TENM2: variants seen among roughly 807,000 people sequenced by gnomAD.
The protein encoded by TENM2 is teneurin transmembrane protein 2.
In TENM2, 52 loss-of-function variants were observed where a neutral mutation model predicts 245.2. The ratio of observed to expected loss-of-function variants is 0.21; its 90% confidence interval spans 0.17 to 0.27. The LOEUF is 0.27. TENM2 is among the 10% of genes least tolerant of loss of function. The pLI is 1.00. For missense variants in TENM2, 3,046 were observed against 3,666.8 expected (o/e 0.83, Z 4.37); for synonymous variants, 1,363 against 1,438.9 (o/e 0.95, Z 1.19).
chr5:167,762,521 C>T (rs1035308560), intron 2 of TENM2, among the ~76,000 whole-genome samples: 2 of 152,126 alleles, frequency 1.3e-5, no homozygotes, highest in East Asian at 3.9e-4. Context: ...GCAGGTGCTC[C>T]AGTCTGCAGT....
chr5:167,205,907 T>C, the TENM2 span, among the ~76,000 whole-genome samples: 13 of 152,320 alleles, frequency 8.5e-5, no homozygotes, highest in African/African-American at 2.9e-4. Context: ...CATATCAAAT[T>C]CTTCTCGTTC....
chr5:167,754,944 C>T (rs1762201625), intron 2 of TENM2: 1 of 1,440,916 alleles, frequency 6.9e-7, no homozygotes, highest in African/African-American at 1.4e-5. Context: ...TTATGCTTTT[C>T]CTTCCCAGCT....
intron 12 of TENM2, among the ~76,000 whole-genome samples, chr5:168,146,438 C>A (rs191191474): frequency 3.9e-5 from 6 of 152,160 alleles, no homozygotes; most frequent in Non-Finnish European, 8.8e-5. Flanking sequence ...TCAGGGAAGA[C>A]ACTGTTTCTT....
chr5:167,564,894 A>C (rs1360189394), intron 2 of TENM2, among the ~76,000 whole-genome samples: 1 of 152,242 alleles, frequency 6.6e-6, no homozygotes, highest in Non-Finnish European at 1.5e-5. Flanking sequence ...AAAGCAAGTC[A>C]TGGCCAATCC....
At chr5:168,257,344 G>A (rs1182629071) in intron 27 of TENM2, among the ~76,000 whole-genome samples, 1 of 152,160 alleles carries the variant, frequency 6.6e-6, no homozygotes, top group African/African-American at 2.4e-5. Context: ...CTGAAAAGAG[G>A]AGGGAGAGCA....
chr5:167,590,586 A>T (rs1190060260), intron 2 of TENM2, among the ~76,000 whole-genome samples: 3 of 151,994 alleles, frequency 2.0e-5, no homozygotes, highest in Non-Finnish European at 4.4e-5. Flanking sequence ...TCTCCCAGGC[A>T]TGTCTTGCTT....
intron 12 of TENM2, among the ~76,000 whole-genome samples, chr5:168,151,598 A>G (rs1291108315): frequency 6.6e-6 from 1 of 152,236 alleles, no homozygotes; most frequent in Non-Finnish European, 1.5e-5. Context: ...TGAAGAGCTT[A>G]TGATTTTTAC....
chr5:167,973,590 G>A (rs1477375934), intron 4 of TENM2, among the ~76,000 whole-genome samples: 1 of 152,202 alleles, frequency 6.6e-6, no homozygotes, highest in African/African-American at 2.4e-5. Context: ...GGAGCGTGGA[G>A]TGCATCCAAC....
At chr5:167,128,854 G>A in the TENM2 span, among the ~76,000 whole-genome samples, 1 of 152,110 alleles carries the variant, frequency 6.6e-6, no homozygotes, top group African/African-American at 2.4e-5. Context: ...GTGTGCCCTG[G>A]CACTAGGTAG....
intron 2 of TENM2, among the ~76,000 whole-genome samples, chr5:167,484,976 A>G (rs1385854444): frequency 1.3e-5 from 2 of 152,256 alleles, no homozygotes; most frequent in African/African-American, 4.8e-5. Context: ...TATTCCAGTA[A>G]AATAAATTCG....
chr5:168,206,351 T>C (rs1762343668), intron 19 of TENM2, among the ~76,000 whole-genome samples: 1 of 152,202 alleles, frequency 6.6e-6, no homozygotes, highest in Non-Finnish European at 1.5e-5. Context: ...CCAGTGGGCA[T>C]TTATTGAGCA....
At chr5:167,463,422 T>C (rs1461158446) in intron 2 of TENM2, among the ~76,000 whole-genome samples, 2 of 152,242 alleles carry the variant, frequency 1.3e-5, no homozygotes, top group African/African-American at 4.8e-5. Flanking sequence ...GTAACTGACT[T>C]GTACTCAAAA....
chr5:168,070,290 T>C (rs1217986325), intron 7 of TENM2, among the ~76,000 whole-genome samples: 1 of 152,148 alleles, frequency 6.6e-6, no homozygotes, highest in Non-Finnish European at 1.5e-5. Context: ...CTAAATATGA[T>C]ATAAAATAAA....
chr5:167,631,713 T>TA (rs1211980360), intron 2 of TENM2, among the ~76,000 whole-genome samples: 4 of 152,154 alleles, frequency 2.6e-5, no homozygotes, highest in Admixed American at 2.6e-4. Flanking sequence ...CCCTGGGCTT[T>TA]GCCTATTCTA....
intron 2 of TENM2, among the ~76,000 whole-genome samples, chr5:167,547,734 C>T (rs1772661353): frequency 6.6e-6 from 1 of 152,222 alleles, no homozygotes; most frequent in South Asian, 2.1e-4. Context: ...CATAATAGTC[C>T]CTAAGAACTG....
At chr5:167,375,328 C>G (rs1418780607) in exon 2 of TENM2, 1 of 1,551,532 alleles carries the variant, frequency 6.4e-7, no homozygotes, top group Non-Finnish European at 8.7e-7. Context: ...ACTCCGACAC[C>G]GAGGGAGGGA....
intron 2 of TENM2, among the ~76,000 whole-genome samples, chr5:167,458,773 A>G (rs936633802): frequency 3.3e-5 from 5 of 152,192 alleles, no homozygotes; most frequent in African/African-American, 1.2e-4. Context: ...AGAAAATACT[A>G]TTATTATCCT....
intron 2 of TENM2, among the ~76,000 whole-genome samples, chr5:167,834,166 A>T (rs1583137622): frequency 1.3e-5 from 2 of 152,334 alleles, no homozygotes; most frequent in South Asian, 2.1e-4. Flanking sequence ...GGGGGATGTG[A>T]TAGAGAGTAA....
intron 3 of TENM2, among the ~76,000 whole-genome samples, chr5:167,914,927 A>G (rs538604892): frequency 8.3e-4 from 127 of 152,264 alleles, no homozygotes; most frequent in African/African-American, 3.0e-3. Flanking sequence ...GTATGACTTT[A>G]TCTTCACTAG....
Sources: gnomAD v4.1 joint callset for allele counts (sites outside exome capture counted in the v4.1 genomes callset) on GRCh38, gnomAD v4.1.1 for gene constraint, MANE v1.5 for transcripts, NCBI Gene and HGNC (gene_info 2026-07-23, HGNC 2026-07-21) for gene names.